Variants in BPIFB3 observed in about 807,000 individuals in gnomAD.
The protein encoded by BPIFB3 is BPI fold containing family B member 3.
In BPIFB3, 49 loss-of-function variants were observed where a neutral mutation model predicts 53.1. That is an observed-to-expected ratio of 0.92 (90% CI 0.73 to 1.17). The LOEUF is 1.17. Among genes scored for constraint, BPIFB3 ranks in the 50% most tolerant of loss-of-function variants. The pLI, the probability that BPIFB3 is intolerant of heterozygous loss-of-function variation, is 0.00. For missense variants in BPIFB3, 628 were observed against 592.5 expected (o/e 1.06, Z -0.62); for synonymous variants, 271 against 269.6 (o/e 1.01, Z -0.05).
chr20:33,065,933 G>A (rs1412315673), intron 8 of BPIFB3, among the ~76,000 whole-genome samples: 1 of 152,184 alleles, frequency 6.6e-6, no homozygotes, highest in Non-Finnish European at 1.5e-5. Flanking sequence ...GGGGGATGGG[G>A]GTAGTCATAG....
chr20:33,059,379 C>T (rs1017209789), exon 3 of BPIFB3: 1 of 1,609,694 alleles, frequency 6.2e-7, no homozygotes, highest in Non-Finnish European at 8.5e-7. Flanking sequence ...CCATCCTAGT[C>T]TGAAGATTGA....
At chr20:33,073,393 G>A (rs6057718) in intron 14 of BPIFB3, among the ~76,000 whole-genome samples, 183 bp from the exon 16 acceptor site, 5,941 of 152,236 alleles carry the variant, frequency 0.039, 388 homozygotes, top group African/African-American at 0.13. Context: ...AGTCTATTAA[G>A]TCCTCAAGTC....
chr20:33,068,467 G>A (rs1407980820), intron 9 of BPIFB3, among the ~76,000 whole-genome samples: 1 of 152,238 alleles, frequency 6.6e-6, no homozygotes, highest in Non-Finnish European at 1.5e-5. Flanking sequence ...CAGCCACGTG[G>A]CCAGTGAGTC....
intron 2 of BPIFB3, among the ~76,000 whole-genome samples, 197 bp from the exon 4 acceptor site, chr20:33,059,181 T>C (rs919053166): frequency 2.0e-5 from 3 of 152,124 alleles, no homozygotes; most frequent in African/African-American, 7.2e-5. Context: ...GCAACACTCC[T>C]GTGAGGTAGG....
chr20:33,057,098 A>C (rs1481685828), intron 2 of BPIFB3, among the ~76,000 whole-genome samples: 1 of 152,222 alleles, frequency 6.6e-6, no homozygotes, highest in African/African-American at 2.4e-5. Flanking sequence ...CTAGATTATA[A>C]ACCCCAGGAG....
chr20:33,061,733 G>C (rs771189093), intron 4 of BPIFB3, 35 bp from the exon 6 acceptor site: 5 of 1,608,358 alleles, frequency 3.1e-6, no homozygotes. Flanking sequence ...CCGTCCACCT[G>C]GCAGCCGCAC....
Position 33,067,491 on chromosome 20 carries a change from A to T in BPIFB3, c.978+614A>T, listed in dbSNP as rs80298593. Among the ~76,000 whole-genome samples the T allele has an allele frequency of 8.2e-3, 1,244 of 152,306 alleles. 21 individuals are homozygous for T. Among genetic ancestry groups the T allele is most frequent in the African/African-American group, 0.028 (1,155 of 41,564 alleles). ...TCTCACCAGAGAGGATGGAAATGAAAGCTGGGTTTGGGGGCACAGAGGACA... is the reference window on the plus strand; with the variant it reads ...TCTCACCAGAGAGGATGGAAATGAATGCTGGGTTTGGGGGCACAGAGGACA... On this transcript the variant is annotated intron_variant, in intron 9 of 14. Transcript: ENST00000375494.
upstream of BPIFB3, among the ~76,000 whole-genome samples, chr20:33,054,992 G>C (rs936923704): frequency 1.3e-5 from 2 of 152,240 alleles, no homozygotes; most frequent in Non-Finnish European, 2.9e-5. Context: ...TCATCCTGCT[G>C]TCCTGGAGGG....
chr20:33,067,995 C>G (rs1466882051), intron 9 of BPIFB3, among the ~76,000 whole-genome samples: 1 of 152,196 alleles, frequency 6.6e-6, no homozygotes, highest in Non-Finnish European at 1.5e-5. Context: ...TTTCCTTAGT[C>G]TCATGACGTT....
chr20:33,066,752 T>A, intron 8 of BPIFB3, 72 bp from the exon 10 acceptor site: 1 of 1,471,810 alleles, frequency 6.8e-7, no homozygotes, highest in Non-Finnish European at 9.5e-7. Context: ...TGAACGAAAC[T>A]GCTCTGAGTG....
Position 33,072,168 on chromosome 20 carries a change from G to A in BPIFB3, c.1324+1G>A, listed in dbSNP as rs186793371. ...GCAGTGTATGCACCAAAGCTTAACGGTATGGCAGGTTTTGCTCTCTTGGAC... is the reference window on the plus strand; with the variant it reads ...GCAGTGTATGCACCAAAGCTTAACGATATGGCAGGTTTTGCTCTCTTGGAC... On this transcript the variant is annotated splice_donor_variant, in intron 13 of 14. Transcript: ENST00000375494. LOFTEE classifies it high-confidence loss of function. 7.2e-5 allele frequency: 117 copies of A among 1,614,186 alleles called. 1 individual carries two copies. The African/African-American group carries it at 1.2e-3, about 16-fold the overall frequency.
chr20:33,061,162 T>A (rs1002603384), intron 4 of BPIFB3, among the ~76,000 whole-genome samples: 1 of 152,198 alleles, frequency 6.6e-6, no homozygotes, highest in Non-Finnish European at 1.5e-5. Context: ...GGGTTGCTCC[T>A]GTCTCCACGA....
At chr20:33,056,852 C>T (rs1443847050) in intron 2 of BPIFB3, among the ~76,000 whole-genome samples, 154 bp downstream of exon 3, 2 of 152,188 alleles carry the variant, frequency 1.3e-5, no homozygotes, top group Non-Finnish European at 2.9e-5. Context: ...TACTGCATGC[C>T]TGGCAGGACA....
chr20:33,059,858 G>T (rs1385846606), intron 3 of BPIFB3, 33 bp from the exon 5 acceptor site: 2 of 1,607,950 alleles, frequency 1.2e-6, no homozygotes, highest in Admixed American at 1.7e-5. Flanking sequence ...GGAGCTGGCT[G>T]CCTGGCCACA....
intron 3 of BPIFB3, 79 bp downstream of exon 4, chr20:33,059,561 C>T (rs1980357529): frequency 2.0e-6 from 2 of 994,582 alleles, no homozygotes; most frequent in South Asian, 2.8e-5. Context: ...ACTCTGCTGT[C>T]CCCCCACTCC....
rs1980918597 is a variant in BPIFB3 at position 33,071,990 on chromosome 20, G to A, written c.1261-114G>A. On this transcript the variant is annotated intron_variant, in intron 12 of 14. Coordinates refer to ENST00000375494, the Ensembl canonical transcript of BPIFB3. The stretch of plus-strand genomic sequence containing the variant: ...GCCAGGAGCTGTGTCCTCAGGCTTG[G>A]GGGAGGCTGAGGCAGCTGGGCCCCT... 20 of 1,068,594 alleles carry A rather than the reference G, an allele frequency of 1.9e-5. No homozygotes were observed. In the South Asian group the frequency reaches 2.4e-4, roughly 13 times the overall value. The allele number at this position is 1,068,594 out of a possible 1,614,324, so 66.2% of individuals were successfully genotyped here.
intron 8 of BPIFB3, 151 bp downstream of exon 9, chr20:33,064,996 T>A (rs1980615773): frequency 1.2e-6 from 1 of 847,186 alleles, no homozygotes; most frequent in Admixed American, 2.9e-5. Flanking sequence ...TGTACACTGC[T>A]GTTCTCCACT....
chr20:33,055,326 G>C (rs555920442), upstream of BPIFB3: 30 of 1,548,278 alleles, frequency 1.9e-5, no homozygotes, highest in African/African-American at 3.9e-4. Flanking sequence ...GGCTGTGCCA[G>C]GTGGGCAGGA....
chr20:33,061,067 G>A (rs771003121), intron 4 of BPIFB3, among the ~76,000 whole-genome samples: 5 of 152,188 alleles, frequency 3.3e-5, no homozygotes, highest in Non-Finnish European at 7.4e-5. Flanking sequence ...CCCAATCCCG[G>A]CCCCTGCTCC....
Sources: allele counts gnomAD v4.1 joint callset (sites outside exome capture counted in the v4.1 genomes callset), GRCh38; gene constraint gnomAD v4.1.1; transcripts MANE v1.5; gene names NCBI Gene and HGNC (gene_info 2026-07-23, HGNC 2026-07-21).